Variants in TMEM40 observed in about 807,000 individuals in gnomAD.
The protein encoded by TMEM40 is transmembrane protein 40.
In TMEM40, 34 loss-of-function variants were observed where a neutral mutation model predicts 40.8. That is an observed-to-expected ratio of 0.83 (90% confidence interval 0.63 to 1.11). The LOEUF is 1.11. Ranked by LOEUF, TMEM40 falls within the 50% of genes least tolerant of loss-of-function variation. TMEM40 has a pLI of 0.00. For missense variants in TMEM40, 296 were observed against 280.2 expected (o/e 1.06, Z -0.40); for synonymous variants, 106 against 107.0 (o/e 0.99, Z 0.06).
Position 12,734,579 on chromosome 3 carries a change from C to A in TMEM40, c.*195G>T. ...CCATCCTTGCAGCTGGGTTGCACAG[C>A]AGTACTGCCCAAATGAGATGCCCCT... On this transcript the variant is annotated 3_prime_UTR_variant, in exon 12 of 12. Coordinates refer to ENST00000314124, the MANE Select transcript of TMEM40 (RefSeq NM_018306.4). 1 of 624,488 alleles carries A rather than the reference C, an allele frequency of 1.6e-6. No homozygotes were observed. 38.7% of individuals were successfully genotyped at this position (624,488 alleles called of 1,614,324 possible).
Position 12,734,182 on chromosome 3 carries a change from G to A in TMEM40, c.*592C>T, listed in dbSNP as rs527348786. The A allele has an allele frequency of 1.3e-5, 2 of 152,378 alleles. No individual in the cohort carries two copies. Among genetic ancestry groups the A allele is most frequent in the East Asian group, 3.9e-4 (2 of 5,182 alleles). The allele number at this position is 152,378 out of a possible 1,614,324, so 9.4% of individuals were successfully genotyped here. On this transcript the variant is annotated 3_prime_UTR_variant, in exon 12 of 12. Coordinates refer to ENST00000314124, the MANE Select transcript of TMEM40 (RefSeq NM_018306.4). ...TTAGCCTGAGCCTCCCAAAGTGCGA[G>A]GATTACAGTTGTGAGCCCCCATGCC... is the stretch of plus-strand genomic sequence containing the variant.
rs201694243 is a variant in TMEM40, at chr3:12,748,741, T to C, written c.125A>G (p.Gln42Arg). 4.3e-6 allele frequency: 7 copies of C among 1,614,136 alleles called. No individual in the cohort carries two copies. The highest frequency in any genetic ancestry group is 5.1e-6 in the Non-Finnish European group (6 of 1,180,020). Residue 42 changes from glutamine to arginine, a missense_variant, in exon 3 of 12, where the codon CAA becomes CGA. Coordinates refer to ENST00000314124, the MANE Select transcript of TMEM40 (RefSeq NM_018306.4). ...KQDGKAGLFS[Q>R]EQYERNKSSS... ...AGACTTGTTTCTCTCATATTGTTCT[T>C]GGGAAAAGAGTCCAGCCTTCCCATC...
intron 1 of TMEM40, among the ~76,000 whole-genome samples, chr3:12,767,667 C>A (rs756508541): frequency 6.6e-6 from 1 of 152,210 alleles, no homozygotes; most frequent in Admixed American, 6.5e-5. Context: ...CTGAACTCCA[C>A]TGCTCTGAGC....
At chr3:12,748,213 G>A (rs189055295) in intron 3 of TMEM40, among the ~76,000 whole-genome samples, 1 of 152,300 alleles carries the variant, frequency 6.6e-6, no homozygotes, top group Non-Finnish European at 1.5e-5. Flanking sequence ...TCTAGATGAG[G>A]GCACTGAGGC....
intron 5 of TMEM40, among the ~76,000 whole-genome samples, chr3:12,741,781 A>G (rs571223032): frequency 7.4e-4 from 112 of 151,630 alleles, no homozygotes; most frequent in Middle Eastern, 3.4e-3. Flanking sequence ...AAAAAAAAAA[A>G]AAAGAAAGAA....
In TMEM40 at chr3:12,749,806, C is replaced by G. The variant is rs1352316279; in HGVS notation, c.27G>C (p.Gln9His). 2 of 1,613,906 alleles carry G rather than the reference C, an allele frequency of 1.2e-6. No homozygotes were observed. The highest frequency in any genetic ancestry group is 4.5e-5 in the East Asian group (2 of 44,896). The change falls in exon 2 of 12, where the codon CAG (glutamine) becomes CAC (histidine). Residue 9 changes from glutamine to histidine, a missense_variant. Physicochemically the swap from Gln to His is conservative, Grantham distance 24. Coordinates refer to ENST00000314124, the MANE Select transcript of TMEM40 (RefSeq NM_018306.4). ...TGTGGACTTGACTGTTGTCCTGAGGCTGGGAGGAGGATGCTGAAGTCTCCA... is the reference window on the plus strand; with the variant it reads ...TGTGGACTTGACTGTTGTCCTGAGGGTGGGAGGAGGATGCTGAAGTCTCCA... METSASSSQPQDNSQVHRE... is the reference protein window; with the variant it reads METSASSSHPQDNSQVHRE...
chr3:12,765,624 G>A (rs1453973719), intron 1 of TMEM40, among the ~76,000 whole-genome samples: 2 of 149,078 alleles, frequency 1.3e-5, no homozygotes, highest in Admixed American at 6.8e-5. Flanking sequence ...CTGGAGTGCA[G>A]TGGCGTGATC....
At chr3:12,750,406 G>C (rs997553512) in intron 1 of TMEM40, among the ~76,000 whole-genome samples, 1 of 152,106 alleles carries the variant, frequency 6.6e-6, no homozygotes, top group Non-Finnish European at 1.5e-5. Context: ...CTCACACACA[G>C]AGCCACCTGC....
chr3:12,767,147 G>A (rs1360983327), intron 1 of TMEM40, among the ~76,000 whole-genome samples: 1 of 152,212 alleles, frequency 6.6e-6, no homozygotes, highest in African/African-American at 2.4e-5. Context: ...AAGCTGGGGA[G>A]GTTAAGTAAC....
At chr3:12,744,805 A>T (rs1157538882) in intron 3 of TMEM40, among the ~76,000 whole-genome samples, 1 of 152,204 alleles carries the variant, frequency 6.6e-6, no homozygotes, top group Admixed American at 6.5e-5. Flanking sequence ...AATTTAAAAA[A>T]TTCCAGGAAA....
chr3:12,757,972 G>C (rs1314396037), intron 1 of TMEM40, among the ~76,000 whole-genome samples: 2 of 151,830 alleles, frequency 1.3e-5, no homozygotes, highest in African/African-American at 2.4e-5. Flanking sequence ...CAAAGTAATG[G>C]GATTACATAG....
At chr3:12,737,077 G>A (rs1038867442) in intron 8 of TMEM40, among the ~76,000 whole-genome samples, 4 of 151,842 alleles carry the variant, frequency 2.6e-5, no homozygotes, top group Non-Finnish European at 5.9e-5. Flanking sequence ...ATAAGGTCTC[G>A]CTATGTTGCC....
chr3:12,765,726 C>G (rs28505686), intron 1 of TMEM40, among the ~76,000 whole-genome samples: 1 of 152,014 alleles, frequency 6.6e-6, no homozygotes, highest in South Asian at 2.1e-4. Context: ...CCTGCCACCA[C>G]GCCCAGCTAA....
At chr3:12,741,958 G>A (rs986879746) in intron 5 of TMEM40, among the ~76,000 whole-genome samples, 40 of 152,204 alleles carry the variant, frequency 2.6e-4, no homozygotes, top group African/African-American at 9.4e-4. Flanking sequence ...TTGGCCGGGC[G>A]CGGTGGCTCA....
intron 1 of TMEM40, among the ~76,000 whole-genome samples, chr3:12,758,009 T>G (rs2106622252): frequency 6.6e-6 from 1 of 151,802 alleles, no homozygotes; most frequent in African/African-American, 2.4e-5. Flanking sequence ...GGCCCTGAAT[T>G]ATACACTTTT....
intron 3 of TMEM40, among the ~76,000 whole-genome samples, chr3:12,746,966 TC>T (rs2061433804): frequency 1.3e-5 from 2 of 152,146 alleles, no homozygotes; most frequent in African/African-American, 4.8e-5. Flanking sequence ...TGGAAGCTCT[TC>T]TTCCAGAGCC....
chr3:12,734,682 G>A lies in TMEM40; in HGVS notation c.*92C>T, dbSNP rs895219593. The A allele has an allele frequency of 1.6e-4, 232 of 1,434,484 alleles. No homozygotes were observed. The highest frequency in any genetic ancestry group is 7.3e-4 in the African/African-American group (52 of 71,138). 88.9% of individuals were successfully genotyped at this position (1,434,484 alleles called of 1,614,324 possible). On this transcript the variant is annotated 3_prime_UTR_variant, in exon 12 of 12. Coordinates refer to ENST00000314124, the MANE Select transcript of TMEM40 (RefSeq NM_018306.4). ...ATTGGTCTGGCTTGGTCTCCTGTGC[G>A]TCTCTCAGAATGCTGCTCTGCCCTT... is the stretch of plus-strand genomic sequence containing the variant.
At chr3:12,734,948 G>C (rs1295571861) in intron 11 of TMEM40, among the ~76,000 whole-genome samples, 155 bp from the exon 12 acceptor site, 1 of 152,208 alleles carries the variant, frequency 6.6e-6, no homozygotes, top group Non-Finnish European at 1.5e-5. Context: ...ATAATAGCTA[G>C]TTTTCTTTTT....
chr3:12,769,156 G>C, intron 1 of TMEM40: 1 of 268,698 alleles, frequency 3.7e-6, no homozygotes, highest in South Asian at 2.7e-5. Flanking sequence ...CTCTCCAAGT[G>C]CGGGGCCTAC....
Sources: allele counts gnomAD v4.1 joint callset (sites outside exome capture counted in the v4.1 genomes callset), GRCh38; gene constraint gnomAD v4.1.1; transcripts MANE v1.5; gene names NCBI Gene and HGNC (gene_info 2026-07-23, HGNC 2026-07-21).